Variants in ABCA13 observed in about 807,000 individuals in gnomAD.
ABCA13 encodes ATP-binding cassette sub-family A member 13.
A neutral mutation model predicts 478.7 loss-of-function variants in ABCA13; 476 were observed. That is an observed-to-expected ratio of 0.99 (90% CI 0.92 to 1.07). The LOEUF (loss-of-function observed/expected upper bound fraction) is 1.07. Ranked by LOEUF, ABCA13 falls within the 50% of genes least tolerant of loss-of-function variation. The probability of loss-of-function intolerance (pLI) is 0.00; values close to 1 mark genes in which losing one functional copy is unlikely to be tolerated. For missense variants in ABCA13, 6,060 were observed against 5,910.6 expected (o/e 1.03, Z -0.83); for synonymous variants, 2,252 against 2,158.9 (o/e 1.04, Z -1.20).
At chr7:48,215,473 A>T (rs1038241594) in intron 3 of ABCA13, among the ~76,000 whole-genome samples, 2 of 152,222 alleles carry the variant, frequency 1.3e-5, no homozygotes, top group Admixed American at 6.5e-5. Flanking sequence ...TGTGAGGATT[A>T]CCAAAATGTG....
chr7:48,556,719 G>A (rs528353172), intron 55 of ABCA13, among the ~76,000 whole-genome samples: 1 of 151,760 alleles, frequency 6.6e-6, no homozygotes, highest in Non-Finnish European at 1.5e-5. Flanking sequence ...TGTATTTCTT[G>A]TAGGCAGCAG....
At chr7:48,395,360 C>A (rs1367659362) in intron 38 of ABCA13, among the ~76,000 whole-genome samples, 1 of 152,134 alleles carries the variant, frequency 6.6e-6, no homozygotes, top group African/African-American at 2.4e-5. Context: ...GAGATGCAGA[C>A]CCAATGGGGA....
Position 48,297,282 on chromosome 7 carries a change from C to T in ABCA13, c.9170C>T (p.Thr3057Ile). 6.2e-7 allele frequency: 1 copy of T among 1,609,386 alleles called. No homozygotes were observed. The highest frequency in any genetic ancestry group is 8.5e-7 in the Non-Finnish European group (1 of 1,177,812). Residue 3057 changes from threonine (T) to isoleucine (I), a missense_variant, in exon 22 of 62, where the codon ACT becomes ATT. By Grantham distance (89) the Thr-to-Ile change is moderately conservative. Transcript: ENST00000435803. ...ETWSSGNPIM[T>I]FLSNFTVTED... ...TGGTCATCAGGGAATCCCATCATGA[C>T]TTTTCTCAGCAATTTCACAGTAACT...
chr7:48,256,955 C>G (rs940918713), intron 15 of ABCA13, among the ~76,000 whole-genome samples: 2 of 152,146 alleles, frequency 1.3e-5, no homozygotes, highest in African/African-American at 4.8e-5. Context: ...GGATGTTTTT[C>G]CATTTGTTTG....
chr7:48,246,929 G>A (rs1791782130), intron 13 of ABCA13, among the ~76,000 whole-genome samples: 1 of 152,048 alleles, frequency 6.6e-6, no homozygotes, highest in African/African-American at 2.4e-5. Context: ...AGGATGCTAA[G>A]CAGGCAGAAA....
chr7:48,263,208 G>A (rs1160907275), intron 15 of ABCA13, among the ~76,000 whole-genome samples: 1 of 151,890 alleles, frequency 6.6e-6, no homozygotes, highest in Non-Finnish European at 1.5e-5. Context: ...TAGATGACTT[G>A]TAAGCACAGG....
At chr7:48,246,717 A>G (rs1299708164) in intron 13 of ABCA13, among the ~76,000 whole-genome samples, 2 of 152,226 alleles carry the variant, frequency 1.3e-5, no homozygotes, top group African/African-American at 4.8e-5. Flanking sequence ...AATAGTGTGC[A>G]TAATTCAATC....
chr7:48,450,784 A>C (rs979308317), intron 42 of ABCA13, among the ~76,000 whole-genome samples: 1 of 152,016 alleles, frequency 6.6e-6, no homozygotes, highest in African/African-American at 2.4e-5. Flanking sequence ...TTCATTTTTC[A>C]AAAGACTGTA....
At chr7:48,356,760 A>G (rs978680939) in intron 31 of ABCA13, among the ~76,000 whole-genome samples, 2 of 151,976 alleles carry the variant, frequency 1.3e-5, no homozygotes, top group African/African-American at 4.9e-5. Flanking sequence ...GCATGTTCCT[A>G]TCAACCCCCT....
rs192375423 is a variant in ABCA13, at chr7:48,528,356, G to A, written c.14354+11G>A. 2.1e-3 allele frequency: 3,170 copies of A among 1,513,036 alleles called. 6 individuals carry two copies. Among genetic ancestry groups the A allele is most frequent in the Non-Finnish European group, 2.7e-3 (3,032 of 1,124,440 alleles). 93.7% of individuals were successfully genotyped at this position (1,513,036 alleles called of 1,614,324 possible). On this transcript the variant is annotated intron_variant, in intron 55 of 61. Transcript: ENST00000435803. ...CAGGACTCCCATGGGGTAAGATACAGATTTCATCATTTTTGTTGCTTAAAG... is the reference window on the plus strand; with the variant it reads ...CAGGACTCCCATGGGGTAAGATACAAATTTCATCATTTTTGTTGCTTAAAG...
At chr7:48,538,080 T>G (rs1367306527) in intron 55 of ABCA13, among the ~76,000 whole-genome samples, 1 of 150,370 alleles carries the variant, frequency 6.7e-6, no homozygotes, top group African/African-American at 2.5e-5. Flanking sequence ...CATTATCTTA[T>G]TTTTTTCTTT....
intron 23 of ABCA13, among the ~76,000 whole-genome samples, chr7:48,306,830 T>G (rs1800970073): frequency 6.6e-6 from 1 of 152,268 alleles, no homozygotes; most frequent in Non-Finnish European, 1.5e-5. Context: ...CAAACATTAT[T>G]CTAAATGTCC....
At chr7:48,459,976 A>C (rs1005562081) in intron 43 of ABCA13, among the ~76,000 whole-genome samples, 6 of 152,086 alleles carry the variant, frequency 3.9e-5, no homozygotes, top group African/African-American at 1.4e-4. Context: ...GCCCTCCTTG[A>C]ACATGGACCT....
At chr7:48,405,925 C>A in intron 39 of ABCA13, among the ~76,000 whole-genome samples, 1 of 152,176 alleles carries the variant, frequency 6.6e-6, no homozygotes, top group Non-Finnish European at 1.5e-5. Flanking sequence ...AGTATGTAAG[C>A]GATTAGATAG....
intron 42 of ABCA13, among the ~76,000 whole-genome samples, chr7:48,439,209 G>A (rs1373029627): frequency 6.6e-6 from 1 of 152,118 alleles, no homozygotes; most frequent in African/African-American, 2.4e-5. Flanking sequence ...ATTATTAAGA[G>A]TGCATTTTTA....
chr7:48,350,206 T>C (rs963895515), intron 29 of ABCA13, among the ~76,000 whole-genome samples: 3 of 152,226 alleles, frequency 2.0e-5, no homozygotes, highest in African/African-American at 7.2e-5. Context: ...TTTAATAAAA[T>C]GACTTTCCCA....
chr7:48,295,870 T>C lies in ABCA13; in HGVS notation c.9119+7T>C, dbSNP rs904003362. The C allele has an allele frequency of 6.3e-7, 1 of 1,593,694 alleles. No homozygotes were observed. The highest frequency in any genetic ancestry group is 1.8e-5 in the Admixed American group (1 of 57,014). On this transcript the variant is annotated splice_region_variant and intron_variant, in intron 21 of 61. Transcript: ENST00000435803. ...TGCAGCAGCACTTGTACATGTATGC[T>C]CTGATATTCTTTCATGCCCTCCCCA...
chr7:48,359,299 A>C (rs1334001730), intron 31 of ABCA13, among the ~76,000 whole-genome samples: 1 of 151,664 alleles, frequency 6.6e-6, no homozygotes, highest in Non-Finnish European at 1.5e-5. Flanking sequence ...AATCTGCATG[A>C]CTCTGGCAAT....
In ABCA13 at chr7:48,310,042, G is replaced by T; in HGVS notation, c.9417G>T (p.Trp3139Cys). 1 of 1,613,940 alleles carries T rather than the reference G, an allele frequency of 6.2e-7. No individual in the cohort carries two copies. The highest frequency in any genetic ancestry group is 1.7e-5 in the Admixed American group (1 of 60,022). Residue 3139 changes from tryptophan (W) to cysteine (C), a missense_variant, in exon 24 of 62, where the codon TGG becomes TGT. This residue lies in a region of ABCA13 where 4,423 missense variants were observed against 4,309.1 expected (regional missense o/e 1.03). Transcript: ENST00000435803. ...LLTFPKGEKSWIAAEELCSLP... is the reference protein window; with the variant it reads ...LLTFPKGEKSCIAAEELCSLP... ...CATTTCCCAAAGGGGAAAAATCTTGGATCGCAGCGGAGGAACTCTGTAGCC... is the reference window on the plus strand; with the variant it reads ...CATTTCCCAAAGGGGAAAAATCTTGTATCGCAGCGGAGGAACTCTGTAGCC...
Sources: allele counts gnomAD v4.1 joint callset (sites outside exome capture counted in the v4.1 genomes callset), GRCh38; gene constraint gnomAD v4.1.1; regional missense constraint gnomAD v4.1.1; transcripts MANE v1.5; gene names NCBI Gene and HGNC (gene_info 2026-07-23, HGNC 2026-07-21).